VPS37C: variants seen among roughly 807,000 people sequenced by gnomAD.
The protein encoded by VPS37C is VPS37C subunit of ESCRT-I.
A neutral mutation model predicts 16.1 loss-of-function variants in VPS37C; 9 were observed. The observed-to-expected ratio is 0.56, with a 90% confidence interval of 0.34 to 0.97. The LOEUF is 0.97. Ranked by LOEUF, VPS37C falls within the 50% of genes least tolerant of loss-of-function variation. The pLI, the probability that VPS37C is intolerant of heterozygous loss-of-function variation, is 0.02. For synonymous variants in VPS37C, 207 were observed against 206.4 expected, an observed-to-expected ratio of 1.00 and a Z score of -0.02; for missense variants, 479 against 472.7, an observed-to-expected ratio of 1.01 and a Z score of -0.12.
At chr11:61,136,815 G>A (rs1861384176) in intron 2 of VPS37C, among the ~76,000 whole-genome samples, 1 of 152,088 alleles carries the variant, frequency 6.6e-6, no homozygotes, top group South Asian at 2.1e-4. Flanking sequence ...AACTCAACAA[G>A]AAGTATCTAA....
Position 61,131,777 on chromosome 11 carries a change from A to G in VPS37C, c.*43T>C. 8.1e-7 allele frequency: 1 copy of G among 1,241,042 alleles called. No individual in the cohort carries two copies. Among genetic ancestry groups the G allele is most frequent in the South Asian group, 4.1e-5 (1 of 24,586 alleles). 76.9% of individuals were successfully genotyped at this position (1,241,042 alleles called of 1,614,324 possible). Reference sequence around the variant, plus strand: ...TCGGCGATGGCTGGGCCAAAGGTTGAGCGTGGGTGGGACTAGGGAGGGGCC... The same window carrying G: ...TCGGCGATGGCTGGGCCAAAGGTTGGGCGTGGGTGGGACTAGGGAGGGGCC... On this transcript the variant is annotated 3_prime_UTR_variant, in exon 5 of 5. Transcript: ENST00000301765.
At position 61,131,067 on chromosome 11, in the gene VPS37C, C is replaced by T. The variant is rs1861245073; in HGVS notation, c.*753G>A. 1 of 287,196 alleles carries T rather than the reference C, an allele frequency of 3.5e-6. No homozygotes were observed. The highest frequency in any genetic ancestry group is 5.9e-5 in the Admixed American group (1 of 16,870). 17.8% of individuals were successfully genotyped at this position (287,196 alleles called of 1,614,324 possible). A position where few individuals can be genotyped will look rare whatever the true frequency, so the allele number is the denominator to read the frequency against. On this transcript the variant is annotated 3_prime_UTR_variant, in exon 5 of 5. Transcript: ENST00000301765. ...CAAGCCCCAATGTGACCACAATCTC[C>T]AGGGCTAGAGCTGCCCGCTTCCCTC...
chr11:61,142,793 T>C (rs1861493262), intron 1 of VPS37C, among the ~76,000 whole-genome samples: 1 of 78,936 alleles, frequency 1.3e-5, no homozygotes, highest in South Asian at 5.7e-4. Context: ...GGTTAAGAGA[T>C]GAGACTCTAA....
chr11:61,150,277 C>G (rs1445016431), intron 1 of VPS37C, among the ~76,000 whole-genome samples: 1 of 152,316 alleles, frequency 6.6e-6, no homozygotes, highest in South Asian at 2.1e-4. Context: ...CACACACACC[C>G]ATCCCTGCCC....
intron 1 of VPS37C, among the ~76,000 whole-genome samples, chr11:61,147,330 C>T (rs1314852257): frequency 6.6e-6 from 1 of 152,154 alleles, no homozygotes; most frequent in Non-Finnish European, 1.5e-5. Flanking sequence ...TGGGTGCAGC[C>T]GGACCAGCCA....
intron 1 of VPS37C, among the ~76,000 whole-genome samples, chr11:61,157,522 G>C (rs1329936266): frequency 6.6e-6 from 1 of 152,034 alleles, no homozygotes; most frequent in Non-Finnish European, 1.5e-5. Context: ...GTGCTTATTG[G>C]TCATTTGTGT....
chr11:61,157,548 A>G (rs1853397271), intron 1 of VPS37C, among the ~76,000 whole-genome samples: 1 of 152,200 alleles, frequency 6.6e-6, no homozygotes, highest in Non-Finnish European at 1.5e-5. Flanking sequence ...CTTTGAAGAA[A>G]TATCTATTCA....
At chr11:61,133,633 T>C (rs1340895183) in intron 3 of VPS37C, among the ~76,000 whole-genome samples, 1 of 152,142 alleles carries the variant, frequency 6.6e-6, no homozygotes, top group East Asian at 1.9e-4. Flanking sequence ...CAAGGGGAGT[T>C]ACCTAACCTG....
chr11:61,134,090 A>G lies in VPS37C; in HGVS notation c.211T>C (p.Tyr71His). ...EISRSNLSDR[Y>H]QELRKLVERC... Reference sequence around the variant, plus strand: ...TCCACGAGCTTCCGGAGCTCCTGGTATCTATCCGAGAGGTTTGAGCGGCTG... The same window carrying G: ...TCCACGAGCTTCCGGAGCTCCTGGTGTCTATCCGAGAGGTTTGAGCGGCTG... Residue 71 changes from tyrosine to histidine, a missense_variant, in exon 3 of 5, where the codon TAC (tyrosine) becomes CAC (histidine). Transcript: ENST00000301765. 6.2e-7 allele frequency: 1 copy of G among 1,613,782 alleles called. No homozygotes were observed. Among genetic ancestry groups the G allele is most frequent in the East Asian group, 2.2e-5 (1 of 44,860 alleles).
chr11:61,136,496 T>C (rs1322199093), intron 2 of VPS37C, among the ~76,000 whole-genome samples: 2 of 152,174 alleles, frequency 1.3e-5, no homozygotes, highest in Non-Finnish European at 2.9e-5. Flanking sequence ...ATTCTATGCA[T>C]GCAACAAAGA....
chr11:61,157,737 T>C (rs1340130596), intron 1 of VPS37C, among the ~76,000 whole-genome samples: 1 of 152,230 alleles, frequency 6.6e-6, no homozygotes, highest in Admixed American at 6.5e-5. Flanking sequence ...GGTCTTTTCA[T>C]GATCAATGAT....
At chr11:61,158,660 G>A (rs1044224340) in intron 1 of VPS37C, among the ~76,000 whole-genome samples, 2 of 152,168 alleles carry the variant, frequency 1.3e-5, no homozygotes, top group Non-Finnish European at 2.9e-5. Context: ...GTCTTCAAAG[G>A]TAGGGCCTAC....
intron 2 of VPS37C, 24 bp downstream of exon 2, chr11:61,138,713 G>A: frequency 6.2e-7 from 1 of 1,611,644 alleles, no homozygotes; most frequent in Non-Finnish European, 8.5e-7. Context: ...GCCTCTGTTG[G>A]GTCCCATACC....
intron 1 of VPS37C, among the ~76,000 whole-genome samples, chr11:61,157,172 G>A (rs1326363749): frequency 1.3e-5 from 2 of 152,168 alleles, no homozygotes; most frequent in Non-Finnish European, 2.9e-5. Context: ...CAACTTTTTG[G>A]CTATTGTAAA....
At chr11:61,157,138 G>A (rs11230614) in intron 1 of VPS37C, among the ~76,000 whole-genome samples, 11,544 of 152,290 alleles carry the variant, frequency 0.076, 489 homozygotes, top group Non-Finnish European at 0.11. Context: ...CCATTCACCT[G>A]TCCATGGACG....
At chr11:61,145,086 T>C (rs898341257) in intron 1 of VPS37C, 9 of 152,210 alleles carry the variant, frequency 5.9e-5, no homozygotes, top group African/African-American at 1.7e-4. Context: ...TGGTCTTTAA[T>C]TGAAACAATA....
At chr11:61,150,557 G>GT (rs569932213) in intron 1 of VPS37C, among the ~76,000 whole-genome samples, 47,349 of 147,078 alleles carry the variant, frequency 0.32, 10,140 homozygotes, top group African/African-American at 0.61. Flanking sequence ...AAGGAGTTTT[G>GT]TTTTTTTTTT....
chr11:61,135,473 C>T (rs1020677605), intron 2 of VPS37C, among the ~76,000 whole-genome samples: 2 of 152,252 alleles, frequency 1.3e-5, no homozygotes, highest in African/African-American at 4.8e-5. Context: ...CTCATTCTGT[C>T]GTCCAGAATG....
intron 1 of VPS37C, among the ~76,000 whole-genome samples, chr11:61,157,400 T>C (rs1486175065): frequency 8.2e-6 from 1 of 122,386 alleles, no homozygotes; most frequent in Non-Finnish European, 1.6e-5. Context: ...TCAACACTTA[T>C]TATTTACTGT....
Sources: gnomAD v4.1 joint callset for allele counts (sites outside exome capture counted in the v4.1 genomes callset) on GRCh38, gnomAD v4.1.1 for gene constraint, MANE v1.5 for transcripts, NCBI Gene and HGNC (gene_info 2026-07-23, HGNC 2026-07-21) for gene names.